Variants in TENM4 observed in about 807,000 individuals in gnomAD.
TENM4 encodes teneurin transmembrane protein 4, also known as teneurin-4.
Under a neutral mutation model 243.3 loss-of-function variants are expected in TENM4, and 82 were observed. That is an observed-to-expected ratio of 0.34 (90% confidence interval 0.28 to 0.40). TENM4 has a LOEUF of 0.40. Ranked by LOEUF, TENM4 falls within the 10% of genes least tolerant of loss-of-function variation. The pLI is 1.00. For synonymous variants in TENM4, 1,412 were observed against 1,456.3 expected, an observed-to-expected ratio of 0.97 and a Z score of 0.69; for missense variants, 3,138 against 3,673.3, an observed-to-expected ratio of 0.85 and a Z score of 3.77.
chr11:79,030,127 A>T (rs1036434130), intron 6 of TENM4, among the ~76,000 whole-genome samples: 14 of 152,146 alleles, frequency 9.2e-5, no homozygotes, highest in African/African-American at 2.9e-4. Flanking sequence ...AGAGGAAGAG[A>T]CTAGGAAGCT....
At chr11:79,211,552 G>T (rs772919746) in intron 3 of TENM4, among the ~76,000 whole-genome samples, 4 of 152,194 alleles carry the variant, frequency 2.6e-5, no homozygotes, top group Non-Finnish European at 5.9e-5. Context: ...TTTCGAGGTT[G>T]AATGCAGAAG....
intron 2 of TENM4, among the ~76,000 whole-genome samples, chr11:79,255,366 T>C (rs764812006): frequency 1.3e-5 from 2 of 152,118 alleles, no homozygotes; most frequent in Non-Finnish European, 2.9e-5. Flanking sequence ...CGCCTCCGTG[T>C]CTTACATAGA....
At chr11:79,141,092 C>G (rs1227813229) in intron 4 of TENM4, among the ~76,000 whole-genome samples, 1 of 152,106 alleles carries the variant, frequency 6.6e-6, no homozygotes, top group Non-Finnish European at 1.5e-5. Context: ...GAATCATCAG[C>G]AGCAGGAGAC....
At chr11:78,854,451 G>T in intron 11 of TENM4, 137 bp from the exon 12 acceptor site, 1 of 707,036 alleles carries the variant, frequency 1.4e-6, no homozygotes, top group Non-Finnish European at 2.1e-6. Flanking sequence ...AAGGGTGCAG[G>T]AAGGTTGATC....
intron 6 of TENM4, among the ~76,000 whole-genome samples, chr11:78,942,296 A>G (rs1227062961): frequency 7.4e-6 from 1 of 135,548 alleles, no homozygotes; most frequent in Admixed American, 7.3e-5. Flanking sequence ...AAAAAAAAAA[A>G]AAAAGCTGGG....
At chr11:79,016,885 A>G (rs1054590031) in intron 6 of TENM4, among the ~76,000 whole-genome samples, 1 of 152,190 alleles carries the variant, frequency 6.6e-6, no homozygotes, top group African/African-American at 2.4e-5. Flanking sequence ...CTTGGTTTGA[A>G]TCCTTTCAAC....
intron 3 of TENM4, among the ~76,000 whole-genome samples, chr11:79,184,329 A>G (rs1863344327): frequency 6.6e-6 from 1 of 152,152 alleles, no homozygotes; most frequent in Non-Finnish European, 1.5e-5. Context: ...TCAGATCATC[A>G]GACATTAGAT....
chr11:79,137,953 T>C (rs900979221), intron 4 of TENM4, among the ~76,000 whole-genome samples: 7 of 151,948 alleles, frequency 4.6e-5, no homozygotes, highest in Admixed American at 4.6e-4. Flanking sequence ...GTCAACTTGA[T>C]TGGATTGAAG....
intron 6 of TENM4, among the ~76,000 whole-genome samples, chr11:78,992,663 G>A (rs566081357): frequency 8.5e-5 from 13 of 152,328 alleles, no homozygotes; most frequent in Admixed American, 2.6e-4. Context: ...AAAAGAAAGC[G>A]TAGAGCCATG....
rs1857634182 is a variant in TENM4 at position 78,817,552 on chromosome 11, C to G, written c.1682-3157G>C. 3.9e-5 allele frequency among the ~76,000 whole-genome samples: 6 copies of G among 152,342 alleles called. No individual in the cohort carries two copies. The South Asian group carries it at 1.2e-3, about 32-fold the overall frequency. The stretch of plus-strand genomic sequence containing the variant: ...TTGGAAGAATCCATGTTCCCAAGAC[C>G]TTTAAGTCAGTAGTGGATTCCTAAA... On this transcript the variant is annotated intron_variant, in intron 12 of 33. Transcript: ENST00000278550.
intron 12 of TENM4, among the ~76,000 whole-genome samples, chr11:78,846,173 A>T (rs898687171): frequency 6.6e-6 from 1 of 152,196 alleles, no homozygotes; most frequent in Non-Finnish European, 1.5e-5. Flanking sequence ...TATTTATGAG[A>T]TCTTGGCAAT....
At chr11:79,055,193 A>G (rs1859911768) in intron 6 of TENM4, among the ~76,000 whole-genome samples, 1 of 151,510 alleles carries the variant, frequency 6.6e-6, no homozygotes, top group South Asian at 2.1e-4. Context: ...TCTATGTGCC[A>G]TACACTTTAT....
intron 28 of TENM4, among the ~76,000 whole-genome samples, chr11:78,691,218 C>T (rs1379398626): frequency 6.6e-6 from 1 of 152,222 alleles, no homozygotes; most frequent in African/African-American, 2.4e-5. Flanking sequence ...CAGAACAGGT[C>T]TGTGGAGTCT....
intron 4 of TENM4, among the ~76,000 whole-genome samples, chr11:79,113,457 C>A (rs1030120897): frequency 4.7e-5 from 7 of 148,560 alleles, no homozygotes; most frequent in Admixed American, 1.3e-4. Flanking sequence ...AGAGGGGGTG[C>A]TTCAGATTTC....
At chr11:79,316,626 C>T (rs1003274957) in intron 1 of TENM4, among the ~76,000 whole-genome samples, 4 of 152,106 alleles carry the variant, frequency 2.6e-5, no homozygotes, top group African/African-American at 4.8e-5. Context: ...TTATATGTTT[C>T]GATGTATGTT....
chr11:79,200,781 G>A (rs866102296), intron 3 of TENM4, among the ~76,000 whole-genome samples: 21 of 152,296 alleles, frequency 1.4e-4, no homozygotes, highest in African/African-American at 2.4e-4. Flanking sequence ...GCCTCTGAAC[G>A]TTTTGCCTGT....
rs529001955 is a variant in TENM4, at chr11:79,349,211, C to T, written c.-320-51668G>A. On this transcript the variant is annotated intron_variant, in intron 1 of 33. Transcript: ENST00000278550. ...GTCACCCCATTTACCTGGTGAGCAG[C>T]TCCTATGTGAGGTTGCTAAGAGATG... 2.0e-5 allele frequency among the ~76,000 whole-genome samples: 3 copies of T among 152,282 alleles called. No homozygotes were observed. The East Asian group carries it at 5.8e-4, about 29-fold the overall frequency.
At chr11:79,323,032 T>A (rs1360976423) in intron 1 of TENM4, among the ~76,000 whole-genome samples, 1 of 152,188 alleles carries the variant, frequency 6.6e-6, no homozygotes, top group Non-Finnish European at 1.5e-5. Context: ...TCAAAAAGAA[T>A]TAAGATTCAC....
intron 6 of TENM4, among the ~76,000 whole-genome samples, chr11:79,054,208 G>A (rs1213190448): frequency 6.6e-6 from 1 of 152,170 alleles, no homozygotes. Context: ...GAGGGAACTG[G>A]GAGAGGAGAG....
Sources: gnomAD v4.1 joint callset for allele counts (sites outside exome capture counted in the v4.1 genomes callset) on GRCh38, gnomAD v4.1.1 for gene constraint, MANE v1.5 for transcripts, NCBI Gene and HGNC (gene_info 2026-07-23, HGNC 2026-07-21) for gene names.